Variants in RBFOX1 observed in about 807,000 individuals in gnomAD.
RBFOX1 encodes RNA binding protein fox-1 homolog 1.
RBFOX1 carries 8 observed loss-of-function variants against 57.7 expected under a neutral mutation model. That is an observed-to-expected ratio of 0.14 (90% confidence interval 0.08 to 0.25). The LOEUF is 0.25. RBFOX1 is among the 10% of genes least tolerant of loss of function. The pLI is 1.00. For missense variants in RBFOX1, 611 were observed against 548.5 expected (o/e 1.11, Z -1.14); for synonymous variants, 326 against 222.4 (o/e 1.47, Z -4.15).
intron 3 of RBFOX1, among the ~76,000 whole-genome samples, chr16:6,813,459 C>A (rs1240990305): frequency 6.6e-6 from 1 of 152,078 alleles, no homozygotes; most frequent in Non-Finnish European, 1.5e-5. Context: ...CCAGCTCCTT[C>A]TTAGGTTTTC....
In RBFOX1 at chr16:7,110,141, G is replaced by A. The variant is rs114030275; in HGVS notation, c.27+58043G>A. Among the ~76,000 whole-genome samples, 929 of 150,860 alleles carry A rather than the reference G, an allele frequency of 6.2e-3. 6 individuals carry two copies. The highest frequency in any genetic ancestry group is 0.021 in the African/African-American group (872 of 40,978). On this transcript the variant is annotated intron_variant, in intron 4 of 15. Coordinates refer to ENST00000550418, the MANE Select transcript of RBFOX1 (RefSeq NM_018723.4). ...TTGGAAGGAGGATTGTTTGAGGCCAGGAGTGTGAGACCAGCCTGGGCAACA... is the reference window on the plus strand; with the variant it reads ...TTGGAAGGAGGATTGTTTGAGGCCAAGAGTGTGAGACCAGCCTGGGCAACA...
At chr16:5,725,074 G>C (rs7190142) in intron 3 of RBFOX1, among the ~76,000 whole-genome samples, 62,890 of 151,876 alleles carry the variant, frequency 0.41, 15,590 homozygotes, top group East Asian at 0.8. Flanking sequence ...TAATGAGGGT[G>C]TGTCTGTAGA....
intron 4 of RBFOX1, among the ~76,000 whole-genome samples, chr16:5,958,465 C>T (rs963785131): frequency 6.6e-6 from 1 of 152,146 alleles, no homozygotes; most frequent in African/African-American, 2.4e-5. Flanking sequence ...TTCCATGGGT[C>T]TGCCAATTAT....
At chr16:6,506,355 A>T (rs981175676) in intron 2 of RBFOX1, among the ~76,000 whole-genome samples, 1 of 152,100 alleles carries the variant, frequency 6.6e-6, no homozygotes, top group African/African-American at 2.4e-5. Context: ...TCTATGGGGA[A>T]GGCATTGCAG....
At chr16:5,753,265 C>T (rs964389344) in intron 3 of RBFOX1, among the ~76,000 whole-genome samples, 2 of 151,948 alleles carry the variant, frequency 1.3e-5, no homozygotes. Context: ...CATTAAAACT[C>T]TAGAAATAAA....
At chr16:6,168,780 C>G (rs1411235902) in intron 1 of RBFOX1, among the ~76,000 whole-genome samples, 1 of 151,418 alleles carries the variant, frequency 6.6e-6, no homozygotes, top group African/African-American at 2.4e-5. Flanking sequence ...TCACTTTGCC[C>G]AGTGTTCTGC....
chr16:6,435,030 T>A (rs75906082), intron 2 of RBFOX1, among the ~76,000 whole-genome samples: 5,494 of 152,276 alleles, frequency 0.036, 351 homozygotes, highest in African/African-American at 0.13. Flanking sequence ...GCCCTGAGTC[T>A]AAGCTCCAGC....
chr16:6,940,428 TTC>T (rs1278506086), intron 3 of RBFOX1, among the ~76,000 whole-genome samples: 4 of 152,206 alleles, frequency 2.6e-5, no homozygotes, highest in Non-Finnish European at 5.9e-5. Context: ...TCCTTTAATC[TTC>T]TCTCTGTCCA....
intron 1 of RBFOX1, among the ~76,000 whole-genome samples, chr16:5,455,126 G>A (rs2068590780): frequency 6.6e-6 from 1 of 150,518 alleles, no homozygotes; most frequent in South Asian, 2.1e-4. Context: ...TACCTTGACT[G>A]ATATAACAGG....
intron 4 of RBFOX1, among the ~76,000 whole-genome samples, chr16:7,441,479 ACT>A (rs2098766243): frequency 1.3e-5 from 2 of 152,186 alleles, no homozygotes; most frequent in African/African-American, 4.8e-5. Flanking sequence ...TGCCAGCGTC[ACT>A]GGGTAGTGGT....
At chr16:7,521,346 T>C (rs1055142040) in intron 5 of RBFOX1, among the ~76,000 whole-genome samples, 7 of 152,020 alleles carry the variant, frequency 4.6e-5, no homozygotes, top group African/African-American at 1.7e-4. Flanking sequence ...CAATAAGGAG[T>C]TGAAATTCCA....
chr16:5,972,024 G>A (rs112559139), intron 4 of RBFOX1, among the ~76,000 whole-genome samples: 1 of 152,258 alleles, frequency 6.6e-6, no homozygotes, highest in African/African-American at 2.4e-5. Context: ...TCCTGCCTTC[G>A]GACTCAAACT....
chr16:5,390,709 G>A (rs1250470424), intron 1 of RBFOX1, among the ~76,000 whole-genome samples: 1 of 152,126 alleles, frequency 6.6e-6, no homozygotes, highest in East Asian at 1.9e-4. Flanking sequence ...CCATCTCCAG[G>A]ATGACCCACA....
At chr16:6,407,835 G>A (rs1029890260) in intron 2 of RBFOX1, among the ~76,000 whole-genome samples, 31 of 152,098 alleles carry the variant, frequency 2.0e-4, no homozygotes, top group African/African-American at 5.6e-4. Flanking sequence ...TACATGGACC[G>A]TAGGTGTGGA....
intron 3 of RBFOX1, among the ~76,000 whole-genome samples, chr16:5,698,977 G>C (rs1345770611): frequency 7.6e-6 from 1 of 131,154 alleles, no homozygotes; most frequent in African/African-American, 2.7e-5. Context: ...AACAGCACCT[G>C]GTTGGATTTT....
At chr16:6,541,041 T>C (rs1567612920) in intron 2 of RBFOX1, among the ~76,000 whole-genome samples, 1 of 152,212 alleles carries the variant, frequency 6.6e-6, no homozygotes, top group East Asian at 1.9e-4. Context: ...TAAAGAGGGA[T>C]CCTAGGATAA....
At position 5,242,072 on chromosome 16, in the gene RBFOX1, C is replaced by T. The variant is rs181941411; in HGVS notation, c.219+1967C>T. On this transcript the variant is annotated intron_variant, in intron 1 of 2. Transcript: ENST00000585867. ...CCAGCTGCAGTGAGCTGTCATCATG[C>T]CACTGCACTCCAGTCTAGGTGACAA... Among the ~76,000 whole-genome samples the T allele has an allele frequency of 1.9e-3, 289 of 152,160 alleles. 2 individuals carry two copies. The highest frequency in any genetic ancestry group is 6.6e-3 in the African/African-American group (272 of 41,524).
At chr16:7,289,638 G>T (rs937089445) in intron 4 of RBFOX1, among the ~76,000 whole-genome samples, 1 of 151,976 alleles carries the variant, frequency 6.6e-6, no homozygotes, top group African/African-American at 2.4e-5. Context: ...CCATGATCAT[G>T]ATCATCATCA....
At chr16:5,737,439 T>C (rs1156597819) in intron 3 of RBFOX1, among the ~76,000 whole-genome samples, 1 of 151,858 alleles carries the variant, frequency 6.6e-6, no homozygotes, top group Admixed American at 6.6e-5. Context: ...TGAGTCGAGA[T>C]CATGCTGCTA....
Sources: gnomAD v4.1 joint callset for allele counts (sites outside exome capture counted in the v4.1 genomes callset) on GRCh38, gnomAD v4.1.1 for gene constraint, MANE v1.5 for transcripts, NCBI Gene and HGNC (gene_info 2026-07-23, HGNC 2026-07-21) for gene names.